The following RORC variants were observed in gnomAD, a reference collection of about 807,000 sequenced individuals.
RORC encodes the protein nuclear receptor ROR-gamma.
Under a neutral mutation model 64.5 loss-of-function variants are expected in RORC, and 13 were observed. The observed-to-expected ratio is 0.20, with a 90% CI of 0.13 to 0.32. The LOEUF (loss-of-function observed/expected upper bound fraction) is 0.32, where lower values mean the gene tolerates loss of function less well. Ranked by LOEUF, RORC falls within the 10% of genes least tolerant of loss-of-function variation. The probability of loss-of-function intolerance (pLI) is 1.00; values close to 1 mark genes in which losing one functional copy is unlikely to be tolerated. For synonymous variants in RORC, 277 were observed against 259.3 expected, an observed-to-expected ratio of 1.07 and a Z score of -0.65; for missense variants, 468 against 669.5, an observed-to-expected ratio of 0.70 and a Z score of 3.32.
At chr1:151,811,609 C>T (rs1001679167) in intron 9 of RORC, 175 bp from the exon 10 acceptor site, 15 of 473,200 alleles carry the variant, frequency 3.2e-5, no homozygotes, top group African/African-American at 2.9e-4. Flanking sequence ...GCTTGGCTAG[C>T]TGTCTACAAG....
intron 2 of RORC, among the ~76,000 whole-genome samples, chr1:151,828,789 A>G (rs1399329570): frequency 3.3e-5 from 5 of 152,064 alleles, no homozygotes; most frequent in Admixed American, 1.3e-4. Context: ...GACCAGCCTG[A>G]CCAACATGGT....
intron 1 of RORC, 105 bp from the exon 2 acceptor site, chr1:151,829,563 G>A: frequency 8.9e-7 from 1 of 1,118,464 alleles, no homozygotes. Flanking sequence ...TTCCCTCAGA[G>A]CCTGGCGTCT....
intron 10 of RORC, among the ~76,000 whole-genome samples, chr1:151,809,552 AG>A (rs1397855762): frequency 6.6e-6 from 1 of 152,112 alleles, no homozygotes; most frequent in African/African-American, 2.4e-5. Context: ...CTCAGTTAGG[AG>A]GCCTCTCTTA....
At position 151,813,598 on chromosome 1, in the gene RORC, C is replaced by T. The variant is rs749323725; in HGVS notation, c.956G>A (p.Arg319Gln). ...GGCCTCGGTGAGGTGGTGGGCACAC[C>T]GTTCCCACATCTCCCACATGGACTG... ...QRKSMWEMWE[R>Q]CAHHLTEAIQ... is the part of the protein sequence containing the mutation. The change falls in exon 7 of 11, where the codon CGG becomes CAG. Residue 319 changes from arginine (R) to glutamine (Q), a missense_variant. This residue lies in a region of RORC where 100 missense variants were observed against 190.8 expected (regional missense o/e 0.52). Coordinates refer to ENST00000318247, the MANE Select transcript of RORC (RefSeq NM_005060.4). The T allele has an allele frequency of 1.9e-5, 31 of 1,614,142 alleles. No individual in the cohort carries two copies. Among genetic ancestry groups the T allele is most frequent in the Non-Finnish European group, 2.5e-5 (30 of 1,180,016 alleles).
At chr1:151,829,355 C>G (rs556369038) in intron 2 of RORC, 74 bp downstream of exon 2, 31 of 1,412,894 alleles carry the variant, frequency 2.2e-5, no homozygotes, top group East Asian at 2.2e-4. Context: ...TCAGTCCCCC[C>G]ACAGATCACT....
intron 2 of RORC, among the ~76,000 whole-genome samples, chr1:151,819,327 CAG>C (rs1415815719): frequency 1.3e-5 from 2 of 152,140 alleles, no homozygotes; most frequent in Non-Finnish European, 2.9e-5. Context: ...TTGTAGGTAA[CAG>C]AGAGTAATGA....
At chr1:151,808,522 G>A (rs1651399984) in intron 10 of RORC, among the ~76,000 whole-genome samples, 1 of 150,194 alleles carries the variant, frequency 6.7e-6, no homozygotes, top group Admixed American at 6.6e-5. Flanking sequence ...AGGCAGCAGG[G>A]TGTGATCCCT....
chr1:151,819,917 A>T (rs1651919667), intron 2 of RORC, among the ~76,000 whole-genome samples: 1 of 152,198 alleles, frequency 6.6e-6, no homozygotes, highest in Admixed American at 6.5e-5. Flanking sequence ...AGTGAGACAG[A>T]CACACAAGGC....
chr1:151,830,778 C>T lies in RORC; in HGVS notation c.40+947G>A. ...GGGGTGAGGGAGGAGAAAAGACTGC[C>T]CCGAGGTGGCAAGGCCCCACCCAGC... On this transcript the variant is annotated intron_variant, in intron 1 of 10. Coordinates refer to ENST00000318247, the MANE Select transcript of RORC (RefSeq NM_005060.4). The surrounding 1 kb of genome is among the most constrained non-coding windows in gnomAD (Gnocchi z 4.0). The T allele has an allele frequency of 4.9e-6, 2 of 408,062 alleles. No homozygotes were observed. Among genetic ancestry groups the T allele is most frequent in the South Asian group, 4.0e-5 (2 of 49,626 alleles). 25.3% of individuals were successfully genotyped at this position (408,062 alleles called of 1,614,324 possible).
In RORC at chr1:151,815,303, C is replaced by T. The variant is rs779171789; in HGVS notation, c.421G>A (p.Ala141Thr). The change falls in exon 5 of 11, where the codon GCC (alanine) becomes ACC (threonine). Residue 141 changes from alanine (A) to threonine (T), a missense_variant. Physicochemically the swap from Ala to Thr is moderately conservative, Grantham distance 58 (BLOSUM62 0). Transcript: ENST00000318247. The stretch of plus-strand genomic sequence containing the variant: ...TAGGTGAGGGTATCTGCTCCTTGGG[C>T]CCCTGCTGGAGGGGTCTTGACCACT... ...EPVVKTPPAG[A>T]QGADTLTYTL... The T allele has an allele frequency of 1.8e-5, 29 of 1,608,602 alleles. No individual in the cohort carries two copies. The South Asian group carries it at 3.0e-4, about 17-fold the overall frequency.
At position 151,816,093 on chromosome 1, in the gene RORC, G is replaced by GC. The variant is rs201406986; in HGVS notation, c.298+570dup. Among the ~76,000 whole-genome samples the GC allele has an allele frequency of 8.2e-3, 1,247 of 152,160 alleles. 18 individuals are homozygous for GC. The highest frequency in any genetic ancestry group is 0.029 in the African/African-American group (1,205 of 41,502). ...TCCTTCTGGCTCCTCATCACCTCAT[G>GC]CCCCCCCAGCTCCACCCTAGGCTCC... On this transcript the variant is annotated intron_variant, in intron 4 of 10. Transcript: ENST00000318247.
chr1:151,814,964 G>T lies in RORC; in HGVS notation c.760C>A (p.Pro254Thr), dbSNP rs1003218627. ...GCCTCCGGTGTGCTGCGGAAACTGG[G>T]GCTGCCGTAGCTGTCTGGGCCCTGT... ...LGQGPDSYGS[P>T]SFRSTPEAPY... The change falls in exon 5 of 11, where the codon CCC becomes ACC. Residue 254 changes from proline (P) to threonine (T), a missense_variant. By Grantham distance (38) the Pro-to-Thr change is conservative. Around this residue, in one of 5 missense-constraint regions of RORC, gnomAD observed 241 missense variants for 295.5 expected, o/e 0.82. Transcript: ENST00000318247. 6.2e-7 allele frequency: 1 copy of T among 1,614,038 alleles called. No individual in the cohort carries two copies. Among genetic ancestry groups the T allele is most frequent in the African/African-American group, 1.3e-5 (1 of 74,916 alleles).
Position 151,830,162 on chromosome 1 carries a change from C to T in RORC, c.41-704G>A, listed in dbSNP as rs1318943102. 6.6e-6 allele frequency among the ~76,000 whole-genome samples: 1 copy of T among 151,774 alleles called. No homozygotes were observed. Among genetic ancestry groups the T allele is most frequent in the African/African-American group, 2.4e-5 (1 of 41,372 alleles). On this transcript the variant is annotated intron_variant, in intron 1 of 10. Transcript: ENST00000318247. This position sits in a 1 kb window ranked among gnomAD's most constrained non-coding sequence, Gnocchi z 4.0. ...GGAGGGGAGAGTTGCAAATACAGAC[C>T]CCTCTCTGGCTTCCACGGGCCAGGC...
At chr1:151,829,208 T>G (rs1652313563) in intron 2 of RORC, among the ~76,000 whole-genome samples, 1 of 151,902 alleles carries the variant, frequency 6.6e-6, no homozygotes, top group Non-Finnish European at 1.5e-5. Context: ...TCTCCTGGTT[T>G]CTTTACAGTG....
intron 4 of RORC, among the ~76,000 whole-genome samples, chr1:151,816,098 C>G (rs1419781854): frequency 6.6e-6 from 1 of 152,170 alleles, no homozygotes; most frequent in Admixed American, 6.5e-5. Flanking sequence ...CTCATGCCCC[C>G]CCAGCTCCAC....
intron 2 of RORC, among the ~76,000 whole-genome samples, chr1:151,823,593 TG>T (rs1245344400): frequency 6.6e-6 from 1 of 152,202 alleles, no homozygotes; most frequent in African/African-American, 2.4e-5. Flanking sequence ...CTATGTGCCT[TG>T]TGATCTTCTG....
rs988015322 is a variant in RORC, at chr1:151,830,826, T to C, written c.40+899A>G. ...AGCCCCGCCCACCTCCCCTTGCTCC[T>C]GCCTGGCCCCACCCAGCTTCCTCCC... On this transcript the variant is annotated intron_variant, in intron 1 of 10. Coordinates refer to ENST00000318247, the MANE Select transcript of RORC (RefSeq NM_005060.4). This position sits in a 1 kb window ranked among gnomAD's most constrained non-coding sequence, Gnocchi z 4.0. 1.1e-5 allele frequency: 4 copies of C among 377,018 alleles called. No homozygotes were observed. The East Asian group carries it at 3.1e-4, about 29-fold the overall frequency. The allele number at this position is 377,018 out of a possible 1,614,324, so 23.4% of individuals were successfully genotyped here.
At position 151,815,211 on chromosome 1, in the gene RORC, G is replaced by A; in HGVS notation, c.513C>T (p.Ala171=). The A allele has an allele frequency of 6.2e-7, 1 of 1,613,842 alleles. No individual in the cohort carries two copies. The highest frequency in any genetic ancestry group is 8.5e-7 in the Non-Finnish European group (1 of 1,179,830). ...GSSPDLPEAS[A]CPPGLLKASG... is the part of the protein sequence containing the mutation. Reference sequence around the variant, plus strand: ...AGGCTTTCAGGAGGCCAGGGGGACAGGCAGAAGCCTCAGGCAGGTCAGGCG... The same window carrying A: ...AGGCTTTCAGGAGGCCAGGGGGACAAGCAGAAGCCTCAGGCAGGTCAGGCG... The change falls in exon 5 of 11, where the codon GCC becomes GCT. Residue 171 remains alanine (A), a synonymous_variant. Coordinates refer to ENST00000318247, the MANE Select transcript of RORC (RefSeq NM_005060.4).
Position 151,816,668 on chromosome 1 carries a change from T to G in RORC, c.294A>C (p.Arg98=). The change falls in exon 4 of 11, where the codon CGA becomes CGC. Residue 98 remains arginine (R), a synonymous_variant. Transcript: ENST00000318247. The stretch of plus-strand genomic sequence containing the variant: ...GGGCTGTCGACTTGGCCTCACCATC[T>G]CGGGACATGCCCAGCGCCAGGCATT... ...LQKCLALGMS[R]DAVKFGRMSK... The G allele has an allele frequency of 6.2e-7, 1 of 1,604,268 alleles. No homozygotes were observed. The highest frequency in any genetic ancestry group is 8.5e-7 in the Non-Finnish European group (1 of 1,175,890).
Sources: allele counts gnomAD v4.1 joint callset (sites outside exome capture counted in the v4.1 genomes callset), GRCh38; gene constraint gnomAD v4.1.1; regional missense constraint gnomAD v4.1.1; non-coding constraint Gnocchi (gnomAD v3.1); transcripts MANE v1.5; gene names NCBI Gene and HGNC (gene_info 2026-07-23, HGNC 2026-07-21).